SGMS1: variants seen among roughly 807,000 people sequenced by gnomAD.
SGMS1 encodes sphingomyelin synthase 1, also known as phosphatidylcholine:ceramide cholinephosphotransferase 1.
In SGMS1, 13 loss-of-function variants were observed where a neutral mutation model predicts 46.2. That is an observed-to-expected ratio of 0.28 (90% CI 0.18 to 0.45). SGMS1 has a LOEUF of 0.45. Ranked by LOEUF, SGMS1 falls within the 20% of genes least tolerant of loss-of-function variation. SGMS1 has a pLI of 1.00. For missense variants in SGMS1, 324 were observed against 519.9 expected (o/e 0.62, Z 3.66); for synonymous variants, 203 against 187.8 (o/e 1.08, Z -0.66).
chr10:50,588,369 T>C (rs1024415396), intron 2 of SGMS1, among the ~76,000 whole-genome samples: 5 of 152,150 alleles, frequency 3.3e-5, no homozygotes, highest in Admixed American at 6.5e-5. Flanking sequence ...AGGGACGACT[T>C]GAGGAAGATA....
chr10:50,615,397 T>C (rs1187571785), intron 1 of SGMS1, among the ~76,000 whole-genome samples: 1 of 152,218 alleles, frequency 6.6e-6, no homozygotes, highest in East Asian at 1.9e-4. Flanking sequence ...TTCAGTACCT[T>C]ATAAATGTTA....
intron 3 of SGMS1, among the ~76,000 whole-genome samples, chr10:50,481,301 C>T (rs1837474699): frequency 6.6e-6 from 1 of 152,186 alleles, no homozygotes; most frequent in East Asian, 1.9e-4. Context: ...CAGGTCAGTG[C>T]CCTTCTGCGA....
chr10:50,354,683 A>G (rs1235305657), intron 6 of SGMS1, among the ~76,000 whole-genome samples: 1 of 152,220 alleles, frequency 6.6e-6, no homozygotes, highest in Non-Finnish European at 1.5e-5. Context: ...AAGTTTTGCA[A>G]TCTACTCATC....
At chr10:50,404,717 G>T (rs555766104) in intron 6 of SGMS1, among the ~76,000 whole-genome samples, 1 of 152,236 alleles carries the variant, frequency 6.6e-6, no homozygotes, top group Non-Finnish European at 1.5e-5. Flanking sequence ...TACCCTACAG[G>T]TATGTCAGCA....
At chr10:50,429,450 A>G (rs184636513) in intron 6 of SGMS1, among the ~76,000 whole-genome samples, 64 of 152,260 alleles carry the variant, frequency 4.2e-4, no homozygotes, top group Non-Finnish European at 7.9e-4. Context: ...TATTATGTTG[A>G]CACAACAACA....
At chr10:50,338,009 C>A (rs1467923406) in intron 7 of SGMS1, among the ~76,000 whole-genome samples, 1 of 152,112 alleles carries the variant, frequency 6.6e-6, no homozygotes, top group African/African-American at 2.4e-5. Context: ...TGTATCTGTT[C>A]ATTCCTGCAG....
chr10:50,411,269 T>C (rs550471928), intron 6 of SGMS1, among the ~76,000 whole-genome samples: 2 of 152,328 alleles, frequency 1.3e-5, no homozygotes, highest in Non-Finnish European at 2.9e-5. Flanking sequence ...TACAAGCTAA[T>C]AGACCTATGG....
chr10:50,434,050 T>A (rs1049566014), intron 5 of SGMS1, among the ~76,000 whole-genome samples: 9 of 152,224 alleles, frequency 5.9e-5, no homozygotes, highest in African/African-American at 1.9e-4. Flanking sequence ...ATACCAGAAC[T>A]ATGGACACCT....
chr10:50,543,015 G>A (rs1449862728), intron 2 of SGMS1, among the ~76,000 whole-genome samples: 3 of 152,178 alleles, frequency 2.0e-5, no homozygotes, highest in Non-Finnish European at 4.4e-5. Flanking sequence ...TAGCTCTTGG[G>A]ACAATTTTAA....
chr10:50,461,805 T>A (rs1279379153), intron 4 of SGMS1, among the ~76,000 whole-genome samples: 9 of 152,306 alleles, frequency 5.9e-5, no homozygotes, highest in African/African-American at 2.2e-4. Flanking sequence ...TCCACTACTC[T>A]CAATAGTCCC....
chr10:50,519,388 C>T (rs2133786392), intron 3 of SGMS1, among the ~76,000 whole-genome samples: 1 of 152,332 alleles, frequency 6.6e-6, no homozygotes, highest in East Asian at 1.9e-4. Flanking sequence ...GACCTGGTAA[C>T]CGTGATCTTC....
chr10:50,578,175 C>A (rs1838401495), intron 2 of SGMS1, among the ~76,000 whole-genome samples: 1 of 152,182 alleles, frequency 6.6e-6, no homozygotes, highest in Non-Finnish European at 1.5e-5. Flanking sequence ...TAGCTTTTTA[C>A]CTGTTCTCTG....
At chr10:50,464,700 C>T (rs1326227956) in intron 4 of SGMS1, among the ~76,000 whole-genome samples, 1 of 152,230 alleles carries the variant, frequency 6.6e-6, no homozygotes, top group Non-Finnish European at 1.5e-5. Context: ...TCCCAAAGTG[C>T]TGTGTTTACA....
intron 6 of SGMS1, among the ~76,000 whole-genome samples, chr10:50,409,827 T>C (rs1849072134): frequency 1.3e-5 from 2 of 152,136 alleles, no homozygotes; most frequent in African/African-American, 4.8e-5. Context: ...AGGACAATTA[T>C]ATAGGAAAGT....
chr10:50,473,126 T>G (rs1837392921), intron 3 of SGMS1, among the ~76,000 whole-genome samples: 1 of 152,062 alleles, frequency 6.6e-6, no homozygotes, highest in East Asian at 1.9e-4. Context: ...ATGTTTAGTT[T>G]AACTAACTAA....
chr10:50,485,051 A>G (rs1837508092), intron 3 of SGMS1, among the ~76,000 whole-genome samples: 1 of 152,160 alleles, frequency 6.6e-6, no homozygotes, highest in Non-Finnish European at 1.5e-5. Context: ...GCAGGGCAAT[A>G]GGGCAAGAGA....
chr10:50,427,699 T>A (rs1360595975), intron 6 of SGMS1, among the ~76,000 whole-genome samples: 1 of 152,204 alleles, frequency 6.6e-6, no homozygotes, highest in African/African-American at 2.4e-5. Flanking sequence ...CAACATTGTC[T>A]ACCTTGTTGG....
At chr10:50,427,123 G>T (rs1458712950) in intron 6 of SGMS1, among the ~76,000 whole-genome samples, 1 of 152,212 alleles carries the variant, frequency 6.6e-6, no homozygotes, top group African/African-American at 2.4e-5. Context: ...TTACGGCCGG[G>T]CACAGTGGCT....
At chr10:50,603,229 G>T (rs1184929578) in intron 1 of SGMS1, among the ~76,000 whole-genome samples, 1 of 152,202 alleles carries the variant, frequency 6.6e-6, no homozygotes, top group Non-Finnish European at 1.5e-5. Flanking sequence ...GCTTTTTACA[G>T]ATGAGGAAGT....
Sources: allele counts gnomAD v4.1 joint callset (sites outside exome capture counted in the v4.1 genomes callset), GRCh38; gene constraint gnomAD v4.1.1; transcripts MANE v1.5; gene names NCBI Gene and HGNC (gene_info 2026-07-23, HGNC 2026-07-21).